Variants in SYNRG observed in about 807,000 individuals in gnomAD.
SYNRG encodes the protein AP1 gamma subunit binding protein 1.
Under a neutral mutation model 130.9 loss-of-function variants are expected in SYNRG, and 37 were observed. The ratio of observed to expected loss-of-function variants is 0.28; its 90% CI spans 0.22 to 0.37. The LOEUF is 0.37. Among genes scored for constraint, SYNRG ranks in the 10% least tolerant of loss-of-function variants. The pLI is 1.00. For missense variants in SYNRG, 1,338 were observed against 1,588.9 expected (o/e 0.84, Z 2.68); for synonymous variants, 539 against 568.1 (o/e 0.95, Z 0.73).
Position 37,577,562 on chromosome 17 carries a change from C to T in SYNRG, c.641G>A (p.Gly214Glu). 2 of 1,614,090 alleles carry T rather than the reference C, an allele frequency of 1.2e-6. No homozygotes were observed. Among genetic ancestry groups the T allele is most frequent in the Non-Finnish European group, 1.7e-6 (2 of 1,180,018 alleles). ...AGTATTTAATTTAATTTGTTCCTGC[C>T]CAGATGTACTTATATCACAAGATAC... ...FLVSCDISTS[G>E]QEQIKLNTSE... Residue 214 changes from glycine (G) to glutamate (E), a missense_variant, in exon 7 of 22, where the codon GGG becomes GAG. Physicochemically the swap from Gly to Glu is moderately conservative, Grantham distance 98. This residue lies in a region of SYNRG where 1,146 missense variants were observed against 1,342.3 expected (regional missense o/e 0.85). Coordinates refer to ENST00000612223, the MANE Select transcript of SYNRG (RefSeq NM_007247.6).
intron 19 of SYNRG, among the ~76,000 whole-genome samples, chr17:37,533,483 C>T (rs1346853564): frequency 6.6e-6 from 1 of 151,600 alleles, no homozygotes; most frequent in East Asian, 1.9e-4. Flanking sequence ...AACCAGTAAC[C>T]CTAGCTATGA....
At position 37,572,004 on chromosome 17, in the gene SYNRG, C is replaced by A. The variant is rs764992989; in HGVS notation, c.902-17G>T. The A allele has an allele frequency of 1.9e-6, 3 of 1,593,320 alleles. No individual in the cohort carries two copies. Among genetic ancestry groups the A allele is most frequent in the Non-Finnish European group, 2.6e-6 (3 of 1,167,978 alleles). On this transcript the variant is annotated splice_polypyrimidine_tract_variant and intron_variant, in intron 8 of 21. Coordinates refer to ENST00000612223, the MANE Select transcript of SYNRG (RefSeq NM_007247.6). ...TATAGGCATCTATTAAAGGAAAGAC[C>A]AGATTACAAATGGAAACACATTCCA...
At chr17:37,593,991 C>T (rs903370026) in intron 3 of SYNRG, among the ~76,000 whole-genome samples, 1 of 151,646 alleles carries the variant, frequency 6.6e-6, no homozygotes, top group Non-Finnish European at 1.5e-5. Flanking sequence ...CATTAATACA[C>T]AAGCTTCTGA....
chr17:37,538,680 T>C (rs3110625), intron 17 of SYNRG, among the ~76,000 whole-genome samples: 101,168 of 152,188 alleles, frequency 0.66, 34,487 homozygotes, highest in East Asian at 0.95. Context: ...ACTGAACCCC[T>C]GACTCCCGGG....
chr17:37,570,229 G>A (rs1015988680), intron 10 of SYNRG, among the ~76,000 whole-genome samples: 1 of 143,772 alleles, frequency 7.0e-6, no homozygotes, highest in Non-Finnish European at 1.5e-5. Flanking sequence ...ATAGCTCACT[G>A]CAGACTTGAA....
intron 15 of SYNRG, chr17:37,541,556 T>C (rs1489296194): frequency 5.6e-6 from 1 of 178,040 alleles, no homozygotes; most frequent in East Asian, 1.5e-4. Context: ...ATCTTTTGTG[T>C]GGGTCAATGT....
At chr17:37,522,829 C>T (rs558675463) in intron 19 of SYNRG, among the ~76,000 whole-genome samples, 29 of 151,916 alleles carry the variant, frequency 1.9e-4, no homozygotes, top group African/African-American at 6.0e-4. Context: ...TGAGTAGAGA[C>T]GGGGTTTCAC....
chr17:37,542,344 G>C lies in SYNRG; in HGVS notation c.2830C>G (p.Leu944Val). Residue 944 changes from leucine to valine, a missense_variant, in exon 15 of 22, where the codon CTC (leucine) becomes GTC (valine). Coordinates refer to ENST00000612223, the MANE Select transcript of SYNRG (RefSeq NM_007247.6). ...CTTACAAAGGTCGTTACTTTGGAGA[G>C]AGATGTCATGGTGATGTTTTCAGAA... ...GSSENITMTS[L>V]SKVTTFVSED... 6.2e-7 allele frequency: 1 copy of C among 1,614,216 alleles called. No homozygotes were observed. Among genetic ancestry groups the C allele is most frequent in the Non-Finnish European group, 8.5e-7 (1 of 1,180,040 alleles).
At position 37,540,518 on chromosome 17, in the gene SYNRG, A is replaced by G; in HGVS notation, c.3228T>C (p.Leu1076=). ...AAGAACGGCTTATTTCTTTATCACC[A>G]AGGCTCAAACTCCTCTTGTGTGATC... is the stretch of plus-strand genomic sequence containing the variant. The part of the protein sequence containing the change: ...VQGSHKRSLS[L]GDKEISRSSP... The change falls in exon 16 of 22, where the codon CTT becomes CTC. Residue 1076 remains leucine, a synonymous_variant. Transcript: ENST00000612223. 1 of 1,613,780 alleles carries G rather than the reference A, an allele frequency of 6.2e-7. No individual in the cohort carries two copies. Among genetic ancestry groups the G allele is most frequent in the Non-Finnish European group, 8.5e-7 (1 of 1,179,978 alleles).
At chr17:37,570,518 C>T in intron 10 of SYNRG, 119 bp downstream of exon 10, 1 of 1,324,406 alleles carries the variant, frequency 7.6e-7, no homozygotes, top group African/African-American at 1.5e-5. Context: ...AAAGATACAA[C>T]CTAAGAATTT....
intron 1 of SYNRG, among the ~76,000 whole-genome samples, chr17:37,603,031 TCAAAACAAAA>T (rs569309142): frequency 2.6e-5 from 4 of 152,062 alleles, no homozygotes; most frequent in South Asian, 2.1e-4. Context: ...AGACTCTGTC[TCAAAACAAAA>T]CAAAACAAAA....
At chr17:37,544,935 G>A (rs1387854405) in intron 14 of SYNRG, among the ~76,000 whole-genome samples, 1 of 152,080 alleles carries the variant, frequency 6.6e-6, no homozygotes, top group African/African-American at 2.4e-5. Context: ...GGCTGGGCAT[G>A]GTGGCTCACA....
intron 3 of SYNRG, among the ~76,000 whole-genome samples, chr17:37,593,644 G>A (rs1041880886): frequency 6.6e-6 from 1 of 152,090 alleles, no homozygotes; most frequent in Non-Finnish European, 1.5e-5. Flanking sequence ...CAGCACTTCG[G>A]GAGGCCGAGG....
At chr17:37,548,418 T>C (rs2058447512) in intron 14 of SYNRG, among the ~76,000 whole-genome samples, 1 of 152,230 alleles carries the variant, frequency 6.6e-6, no homozygotes, top group South Asian at 2.1e-4. Context: ...ATGGCAGGCC[T>C]GGCTTTTCTC....
Position 37,542,312 on chromosome 17 carries a change from A to G in SYNRG, c.2862T>C (p.Asp954=), listed in dbSNP as rs1310259186. The G allele has an allele frequency of 7.4e-6, 12 of 1,614,116 alleles. No individual in the cohort carries two copies. Among genetic ancestry groups the G allele is most frequent in the Non-Finnish European group, 1.0e-5 (12 of 1,180,060 alleles). The change falls in exon 15 of 22, where the codon GAT becomes GAC. Residue 954 remains aspartate, a synonymous_variant. Coordinates refer to ENST00000612223, the MANE Select transcript of SYNRG (RefSeq NM_007247.6). ...CTGGGAAGGTGGTCTCTGGAAGAGC[A>G]TCTTCACTTACAAAGGTCGTTACTT... ...LSKVTTFVSE[D]ALPETTFPAL...
At chr17:37,585,529 TC>T in intron 4 of SYNRG, 99 bp from the exon 5 acceptor site, 1 of 778,002 alleles carries the variant, frequency 1.3e-6, no homozygotes, top group Non-Finnish European at 2.1e-6. Context: ...ATGTTGCACT[TC>T]CAGAAGTGTA....
intron 8 of SYNRG, among the ~76,000 whole-genome samples, chr17:37,572,723 T>C (rs2060524871): frequency 6.6e-6 from 1 of 152,166 alleles, no homozygotes; most frequent in Non-Finnish European, 1.5e-5. Context: ...GAGAAGGTGC[T>C]ACGGAAATAC....
intron 6 of SYNRG, among the ~76,000 whole-genome samples, chr17:37,578,438 A>G (rs1419390130): frequency 6.6e-6 from 1 of 152,228 alleles, no homozygotes; most frequent in East Asian, 1.9e-4. Context: ...ATCTACTGTG[A>G]TTCTAAAGAA....
Position 37,514,984 on chromosome 17 carries a change from T to A in SYNRG, c.*3956A>T, listed in dbSNP as rs2054317646. On this transcript the variant is annotated 3_prime_UTR_variant, in exon 22 of 22. Coordinates refer to ENST00000612223, the MANE Select transcript of SYNRG (RefSeq NM_007247.6). The stretch of plus-strand genomic sequence containing the variant: ...CATCTTTTAAAATACAGGCGCGAAT[T>A]CCACATCACGCAGAAGACAACGCAT... 3 of 152,134 alleles carry A rather than the reference T, an allele frequency of 2.0e-5. No individual in the cohort carries two copies. The allele number at this position is 152,134 out of a possible 1,614,324, so 9.4% of individuals were successfully genotyped here.
Sources: allele counts gnomAD v4.1 joint callset (sites outside exome capture counted in the v4.1 genomes callset), GRCh38; gene constraint gnomAD v4.1.1; regional missense constraint gnomAD v4.1.1; transcripts MANE v1.5; gene names NCBI Gene and HGNC (gene_info 2026-07-23, HGNC 2026-07-21).